Variants in FRMPD4 observed in about 807,000 individuals in gnomAD.
The protein encoded by FRMPD4 is FERM and PDZ domain-containing protein 4.
A neutral mutation model predicts 94.1 loss-of-function variants in FRMPD4; 22 were observed. The ratio of observed to expected loss-of-function variants is 0.23; its 90% CI spans 0.17 to 0.33. FRMPD4 has a LOEUF of 0.33. Among genes scored for constraint, FRMPD4 ranks in the 10% least tolerant of loss-of-function variants. FRMPD4 has a pLI of 1.00. For synonymous variants in FRMPD4, 631 were observed against 548.6 expected, an observed-to-expected ratio of 1.15 and a Z score of -2.10; for missense variants, 1,111 against 1,339.9, an observed-to-expected ratio of 0.83 and a Z score of 2.67.
chrX:11,844,702 T>A (rs2053563214), intron 1 of FRMPD4, among the ~76,000 whole-genome samples: 1 of 112,380 alleles, frequency 8.9e-6, no homozygotes, highest in East Asian at 2.8e-4. Flanking sequence ...TTTCTTTGTG[T>A]TTATCTTACT....
intron 3 of FRMPD4, among the ~76,000 whole-genome samples, chrX:12,089,926 A>G (rs1055157612): frequency 8.9e-6 from 1 of 111,842 alleles, no homozygotes; most frequent in Non-Finnish European, 1.9e-5. Context: ...GCAGTTGAGT[A>G]ACAGCTGCAA....
chrX:11,931,653 G>T (rs983015438), intron 3 of FRMPD4, among the ~76,000 whole-genome samples: 5 of 112,434 alleles, frequency 4.4e-5, no homozygotes, highest in Admixed American at 9.4e-5. Flanking sequence ...CATTCTGTTG[G>T]TTAAACAGTC....
chrX:12,039,967 CA>C (rs367795862), intron 3 of FRMPD4, among the ~76,000 whole-genome samples: 529 of 31,977 alleles, frequency 0.017, 1 homozygote, highest in African/African-American at 0.029. Flanking sequence ...AAAACTTTGT[CA>C]AAAAAAAAAA....
chrX:12,195,931 C>G (rs1329332594), intron 1 of FRMPD4, among the ~76,000 whole-genome samples: 1 of 111,389 alleles, frequency 9.0e-6, no homozygotes, highest in Non-Finnish European at 1.9e-5. Flanking sequence ...GACAGGTGGA[C>G]CTAAAGGGAA....
intron 3 of FRMPD4, among the ~76,000 whole-genome samples, chrX:12,078,555 A>G (rs987018676): frequency 1.6e-4 from 18 of 112,228 alleles, no homozygotes; most frequent in African/African-American, 5.8e-4. Flanking sequence ...TCCACAATCA[A>G]GAAAATAATT....
intron 1 of FRMPD4, among the ~76,000 whole-genome samples, chrX:11,854,078 C>T (rs1258685302): frequency 7.1e-5 from 8 of 111,892 alleles, no homozygotes; most frequent in Non-Finnish European, 1.3e-4. Context: ...CCTCAGGAAA[C>T]TTACAATCAT....
At chrX:11,833,492 T>A (rs978156104) in intron 1 of FRMPD4, among the ~76,000 whole-genome samples, 3 of 112,074 alleles carry the variant, frequency 2.7e-5, no homozygotes, top group East Asian at 2.8e-4. Context: ...TGCTCCCCCA[T>A]CGTCACCAGT....
chrX:12,695,779 G>A (rs766839661), intron 9 of FRMPD4, among the ~76,000 whole-genome samples: 4 of 104,614 alleles, frequency 3.8e-5, no homozygotes, highest in Admixed American at 1.0e-4. Context: ...TTCTTTTTTT[G>A]AGACGGAGTT....
At chrX:12,692,694 G>A (rs899973557) in intron 8 of FRMPD4, among the ~76,000 whole-genome samples, 3 of 112,226 alleles carry the variant, frequency 2.7e-5, no homozygotes, top group Admixed American at 9.4e-5. Flanking sequence ...CAAAACCAGT[G>A]TAACCTTCTG....
intron 1 of FRMPD4, among the ~76,000 whole-genome samples, chrX:12,361,726 A>G (rs1355279067): frequency 8.9e-6 from 1 of 111,805 alleles, no homozygotes; most frequent in African/African-American, 3.3e-5. Flanking sequence ...ACAAACTGGG[A>G]GGCTTAAAAC....
Position 11,943,357 on chromosome X carries a change from T to C in FRMPD4, c.95+65339T>C, listed in dbSNP as rs924660192. Among the ~76,000 whole-genome samples the C allele has an allele frequency of 5.4e-5, 6 of 111,851 alleles. No individual in the cohort carries two copies. In the South Asian group the frequency reaches 2.3e-3, roughly 43 times the overall value. On this transcript the variant is annotated intron_variant, in intron 3 of 18. Coordinates refer to the FRMPD4 transcript ENST00000640291. ...CCCCCTCTACTTTTAGGGCATTTAC[T>C]CCATACTATTTATTTTTATTTACTT...
chrX:12,056,925 T>G (rs778704323), intron 3 of FRMPD4, among the ~76,000 whole-genome samples: 1 of 112,206 alleles, frequency 8.9e-6, no homozygotes, highest in Admixed American at 9.5e-5. Flanking sequence ...ACTTACAAAA[T>G]ATAGTCTGCT....
intron 2 of FRMPD4, among the ~76,000 whole-genome samples, chrX:12,590,864 C>T (rs2058975861): frequency 9.0e-6 from 1 of 111,635 alleles, no homozygotes; most frequent in African/African-American, 3.3e-5. Context: ...AAAAGGCCAC[C>T]AACATGAAGC....
At chrX:11,973,515 A>AT (rs947204515) in intron 3 of FRMPD4, among the ~76,000 whole-genome samples, 22 of 111,545 alleles carry the variant, frequency 2.0e-4, no homozygotes, top group Admixed American at 9.5e-4. Context: ...CAGAATCTAA[A>AT]TTTTTTTATA....
In FRMPD4 at chrX:12,264,785, A is replaced by G. The variant is rs188619847; in HGVS notation, c.41+125773A>G. Among the ~76,000 whole-genome samples, 9 of 112,597 alleles carry G rather than the reference A, an allele frequency of 8.0e-5. No homozygotes were observed. In the East Asian group the frequency reaches 2.5e-3, roughly 31 times the overall value. On this transcript the variant is annotated intron_variant, in intron 1 of 16. Coordinates refer to ENST00000675598, the MANE Select transcript of FRMPD4 (RefSeq NM_001368397.1). ...TTACTAATTTTCAAATGACAAAGTT[A>G]TTTTAAGATATTCTGAATTGTTTTT...
At chrX:11,864,890 A>G (rs987632140) in intron 1 of FRMPD4, among the ~76,000 whole-genome samples, 9 of 111,605 alleles carry the variant, frequency 8.1e-5, no homozygotes, top group African/African-American at 2.6e-4. Flanking sequence ...ACTATAATTC[A>G]TTGTTAGCAA....
chrX:12,038,450 T>A (rs1040800960), intron 3 of FRMPD4, among the ~76,000 whole-genome samples: 1 of 112,396 alleles, frequency 8.9e-6, no homozygotes, highest in Non-Finnish European at 1.9e-5. Context: ...TTTAGAATGT[T>A]TTTTTGGAAA....
intron 1 of FRMPD4, among the ~76,000 whole-genome samples, chrX:12,193,771 AAAG>A (rs2056522706): frequency 5.8e-5 from 1 of 17,288 alleles, no homozygotes; most frequent in African/African-American, 3.7e-4. Context: ...AGAAAGAAAG[AAAG>A]GAAGGAAGGA....
chrX:11,991,058 C>A (rs1000435363), intron 3 of FRMPD4, among the ~76,000 whole-genome samples: 4 of 112,050 alleles, frequency 3.6e-5, no homozygotes, highest in African/African-American at 9.7e-5. Flanking sequence ...GGGACCTTCT[C>A]CATAATGGTC....
Sources: gnomAD v4.1 joint callset for allele counts (sites outside exome capture counted in the v4.1 genomes callset) on GRCh38, gnomAD v4.1.1 for gene constraint, MANE v1.5 for transcripts, NCBI Gene and HGNC (gene_info 2026-07-23, HGNC 2026-07-21) for gene names.